The following ACSL1 variants were observed in gnomAD, a reference collection of about 807,000 sequenced individuals.
ACSL1 encodes the protein acyl-CoA synthetase long chain family member 1, also known as long-chain-fatty-acid--CoA ligase 1.
In ACSL1, 41 loss-of-function variants were observed where a neutral mutation model predicts 98.4. The ratio of observed to expected loss-of-function variants is 0.42; its 90% confidence interval spans 0.32 to 0.54. The LOEUF (loss-of-function observed/expected upper bound fraction) is 0.54, where lower values mean the gene tolerates loss of function less well. Ranked by LOEUF, ACSL1 falls within the 20% of genes least tolerant of loss-of-function variation. ACSL1 has a pLI of 0.13. For missense variants in ACSL1, 734 were observed against 883.1 expected (o/e 0.83, Z 2.14); for synonymous variants, 316 against 322.7 (o/e 0.98, Z 0.22).
intron 17 of ACSL1, among the ~76,000 whole-genome samples, 177 bp downstream of exon 17, chr4:184,762,230 A>G (rs1441542679): frequency 6.6e-5 from 10 of 152,004 alleles, no homozygotes; most frequent in African/African-American, 1.9e-4. Flanking sequence ...AAGGATGCTA[A>G]GTGTAACCCT....
chr4:184,799,266 G>A (rs773692842), intron 2 of ACSL1, among the ~76,000 whole-genome samples: 3 of 151,818 alleles, frequency 2.0e-5, no homozygotes, highest in East Asian at 1.9e-4. Flanking sequence ...ACAGGCACAC[G>A]CCACCACGCC....
intron 10 of ACSL1, 48 bp from the exon 11 acceptor site, chr4:184,770,524 T>C: frequency 7.8e-7 from 1 of 1,285,982 alleles, no homozygotes. Flanking sequence ...AGACTCCCAG[T>C]GAAGGGGAAC....
At chr4:184,790,980 G>T (rs28505088) in intron 2 of ACSL1, among the ~76,000 whole-genome samples, 16,861 of 152,212 alleles carry the variant, frequency 0.11, 2,888 homozygotes, top group African/African-American at 0.37. Context: ...GACAAAATGA[G>T]AGAAAACAGG....
intron 1 of ACSL1, chr4:184,805,442 T>A (rs190737632): frequency 1.0e-6 from 1 of 984,794 alleles, no homozygotes; most frequent in East Asian, 1.1e-4. Context: ...AGGTTTACCA[T>A]GACAGCAAAG....
intron 2 of ACSL1, among the ~76,000 whole-genome samples, chr4:184,795,239 CA>C (rs764888368): frequency 5.9e-5 from 9 of 152,332 alleles, no homozygotes; most frequent in Admixed American, 4.6e-4. Flanking sequence ...GGTGTTTTGT[CA>C]AGAAACACAG....
intron 2 of ACSL1, among the ~76,000 whole-genome samples, chr4:184,793,115 C>A (rs1218763160): frequency 1.3e-5 from 2 of 151,652 alleles, no homozygotes; most frequent in Admixed American, 6.6e-5. Flanking sequence ...AGTCATGAGC[C>A]AGTGAGTCAG....
Position 184,812,199 on chromosome 4 carries a change from C to T in ACSL1, c.-32-8653G>A, listed in dbSNP as rs1025910473. ...AGTACCTATGTAGATGCTTCTTCCT[C>T]TCCCCGGCCAGGGTCTCCTCCCATC... On this transcript the variant is annotated intron_variant, in intron 1 of 20. Coordinates refer to ENST00000281455, the MANE Select transcript of ACSL1 (RefSeq NM_001995.5). 4.4e-5 allele frequency: 43 copies of T among 985,346 alleles called. 1 individual carries two copies. Among genetic ancestry groups the T allele is most frequent in the Non-Finnish European group, 4.9e-5 (41 of 829,974 alleles). The allele number at this position is 985,346 out of a possible 1,614,324, so 61.0% of individuals were successfully genotyped here.
At chr4:184,812,816 C>T (rs72695682) in intron 1 of ACSL1, among the ~76,000 whole-genome samples, 5,463 of 152,158 alleles carry the variant, frequency 0.036, 121 homozygotes, top group Middle Eastern at 0.071. Flanking sequence ...GCCCAGAGCC[C>T]CATACCAGGG....
In ACSL1 at chr4:184,785,600, C is replaced by CCGGGGT. The variant is rs1392500206; in HGVS notation, c.311-1610_311-1609insACCCCG. ...CTTAGAATAAAAAGATCCTCCTGGG[C>CCGGGGT]GGGGGCGGGGGGGGGGGGGGGAAGG... On this transcript the variant is annotated intron_variant, in intron 3 of 20. Transcript: ENST00000281455. Among the ~76,000 whole-genome samples, 7 of 19,146 alleles carry CCGGGGT rather than the reference C, an allele frequency of 3.7e-4. 1 individual carries two copies. The highest frequency in any genetic ancestry group is 1.5e-3 in the Non-Finnish European group (7 of 4,690). 12.6% of individuals were successfully genotyped at this position (19,146 alleles called of 152,430 possible).
At chr4:184,778,361 A>C (rs939263049) in intron 5 of ACSL1, among the ~76,000 whole-genome samples, 1 of 152,240 alleles carries the variant, frequency 6.6e-6, no homozygotes, top group Non-Finnish European at 1.5e-5. Flanking sequence ...AGGAATTTTC[A>C]GCCAACAACA....
intron 18 of ACSL1, among the ~76,000 whole-genome samples, chr4:184,759,817 A>G (rs1762617005): frequency 1.3e-5 from 2 of 152,208 alleles, no homozygotes; most frequent in Admixed American, 6.5e-5. Context: ...CATTTGACCC[A>G]ACTTTCCAAA....
At chr4:184,783,877 C>A in intron 4 of ACSL1, 50 bp downstream of exon 4, 4 of 1,525,248 alleles carry the variant, frequency 2.6e-6, no homozygotes, top group Non-Finnish European at 2.7e-6. Flanking sequence ...CATACAGAAG[C>A]ACCCCTGCTT....
chr4:184,776,437 G>C (rs762384239), intron 7 of ACSL1, 47 bp downstream of exon 7: 20 of 1,580,848 alleles, frequency 1.3e-5, no homozygotes, highest in Admixed American at 9.0e-5. Context: ...GAGCCAACAC[G>C]GCCCCAGGGA....
chr4:184,825,179 G>A lies in ACSL1; in HGVS notation c.-33+737C>T, dbSNP rs921681753. On this transcript the variant is annotated intron_variant, in intron 1 of 20. Transcript: ENST00000281455. This position sits in a 1 kb window ranked among gnomAD's most constrained non-coding sequence, Gnocchi z 4.7. ...CTCACAACGCACCGACTGGGGGAAC[G>A]CCTGTCCCCAGACTCGAATCCACGT... The A allele has an allele frequency of 2.0e-6, 2 of 985,208 alleles. No individual in the cohort carries two copies. Among genetic ancestry groups the A allele is most frequent in the African/African-American group, 3.5e-5 (2 of 57,210 alleles). The allele number at this position is 985,208 out of a possible 1,614,324, so 61.0% of individuals were successfully genotyped here.
Position 184,773,057 on chromosome 4 carries a change from G to T in ACSL1, c.915+24C>A, listed in dbSNP as rs538508385. 13 of 1,606,302 alleles carry T rather than the reference G, an allele frequency of 8.1e-6. No homozygotes were observed. In the East Asian group the frequency reaches 2.9e-4, roughly 36 times the overall value. Reference sequence around the variant, plus strand: ...GGACTAATGTCAATCAATGAGGAAAGATGACGACATCCCAAAAAGTTACCT... The same window carrying T: ...GGACTAATGTCAATCAATGAGGAAATATGACGACATCCCAAAAAGTTACCT... On this transcript the variant is annotated intron_variant, in intron 10 of 20. Transcript: ENST00000281455. The surrounding 1 kb of genome is among the most constrained non-coding windows in gnomAD (Gnocchi z 4.3).
At chr4:184,778,891 C>A (rs1765744291) in intron 5 of ACSL1, among the ~76,000 whole-genome samples, 1 of 151,938 alleles carries the variant, frequency 6.6e-6, no homozygotes, top group Non-Finnish European at 1.5e-5. Context: ...GTGGAGAATG[C>A]TGTTTTCCCC....
rs2150292412 is a variant in ACSL1 at position 184,766,586 on chromosome 4, T to C, written c.1263+36A>G. ...CCAGAACTCTGAAAAGCGAAGTCGGTTTCCATGGGAGCAGTGGCTGTGAGT... is the reference window on the plus strand; with the variant it reads ...CCAGAACTCTGAAAAGCGAAGTCGGCTTCCATGGGAGCAGTGGCTGTGAGT... On this transcript the variant is annotated intron_variant, in intron 13 of 20. Coordinates refer to ENST00000281455, the MANE Select transcript of ACSL1 (RefSeq NM_001995.5). The surrounding 1 kb of genome is among the most constrained non-coding windows in gnomAD (Gnocchi z 4.8). 6.3e-7 allele frequency: 1 copy of C among 1,595,252 alleles called. No individual in the cohort carries two copies. The highest frequency in any genetic ancestry group is 8.6e-7 in the Non-Finnish European group (1 of 1,165,834).
chr4:184,776,395 C>T, intron 7 of ACSL1, 89 bp downstream of exon 7: 4 of 1,440,456 alleles, frequency 2.8e-6, no homozygotes, highest in Non-Finnish European at 3.8e-6. Context: ...GGGACTGCAC[C>T]ATAGCACTAG....
intron 2 of ACSL1, among the ~76,000 whole-genome samples, chr4:184,790,898 C>A (rs1768231122): frequency 6.6e-6 from 1 of 152,126 alleles, no homozygotes; most frequent in Admixed American, 6.5e-5. Context: ...ATATCAGAAG[C>A]CTTTTCAACC....
Sources: allele counts gnomAD v4.1 joint callset (sites outside exome capture counted in the v4.1 genomes callset), GRCh38; gene constraint gnomAD v4.1.1; non-coding constraint Gnocchi (gnomAD v3.1); transcripts MANE v1.5; gene names NCBI Gene and HGNC (gene_info 2026-07-23, HGNC 2026-07-21).